CDON: variants seen among roughly 807,000 people sequenced by gnomAD.
CDON encodes cell adhesion associated, oncogene regulated, also known as cell adhesion molecule-related/down-regulated by oncogenes.
A neutral mutation model predicts 120.9 loss-of-function variants in CDON; 73 were observed. That is an observed-to-expected ratio of 0.60 (90% CI 0.50 to 0.73). The LOEUF (loss-of-function observed/expected upper bound fraction) is 0.73, where lower values mean the gene tolerates loss of function less well. Among genes scored for constraint, CDON ranks in the 30% least tolerant of loss-of-function variants. The pLI, the probability that CDON is intolerant of heterozygous loss-of-function variation, is 0.00. For missense variants in CDON, 1,470 were observed against 1,587.3 expected, an observed-to-expected ratio of 0.93 and a Z score of 1.26; for synonymous variants, 566 against 573.5, an observed-to-expected ratio of 0.99 and a Z score of 0.19.
rs1591538858 is a variant in CDON, at chr11:125,961,257, CA to C, written c.3632-153del. Reference sequence around the variant, plus strand: ...GTGTGTGGTTTGAATTTGAGGGCGACAGAAGGTTTAAAAGGTTTAAAATAAA... The same window carrying C: ...GTGTGTGGTTTGAATTTGAGGGCGACGAAGGTTTAAAAGGTTTAAAATAAA... On this transcript the variant is annotated intron_variant, in intron 19 of 19. Coordinates refer to ENST00000531738, the MANE Select transcript of CDON (RefSeq NM_001378964.1). 2.1e-5 allele frequency: 16 copies of C among 754,264 alleles called. No homozygotes were observed. The East Asian group carries it at 4.3e-4, about 20-fold the overall frequency. 46.7% of individuals were successfully genotyped at this position (754,264 alleles called of 1,614,324 possible).
chr11:126,039,818 T>C (rs1162142456), intron 1 of CDON, among the ~76,000 whole-genome samples: 1 of 152,118 alleles, frequency 6.6e-6, no homozygotes, highest in South Asian at 2.1e-4. Flanking sequence ...CCCTCCAAAA[T>C]AAGCCGAACT....
rs1344081577 is a variant in CDON at position 126,005,841 on chromosome 11, G to C, written c.1769C>G (p.Thr590Arg). The C allele has an allele frequency of 6.2e-7, 1 of 1,614,152 alleles. No homozygotes were observed. Among genetic ancestry groups the C allele is most frequent in the Admixed American group, 1.7e-5 (1 of 60,020 alleles). The change falls in exon 9 of 20, where the codon ACA (threonine) becomes AGA (arginine). Residue 590 changes from threonine to arginine, a missense_variant. Physicochemically the swap from Thr to Arg is moderately conservative, Grantham distance 71. Transcript: ENST00000531738. The stretch of plus-strand genomic sequence containing the variant: ...CCACACCAGGTTGTACGTGTCTGGT[G>C]TGTGGGTCTGTGGGGGGCTCAGTAT... The part of the protein sequence containing the change: ...PIILSPPQTH[T>R]PDTYNLVWRA...
chr11:126,029,994 G>A (rs1947902698), intron 1 of CDON, among the ~76,000 whole-genome samples: 1 of 152,188 alleles, frequency 6.6e-6, no homozygotes, highest in Non-Finnish European at 1.5e-5. Context: ...AGGCTCCCCA[G>A]TCTCATGTGG....
At chr11:126,042,505 T>C (rs1044067848) in intron 1 of CDON, among the ~76,000 whole-genome samples, 4 of 152,250 alleles carry the variant, frequency 2.6e-5, no homozygotes, top group Admixed American at 6.5e-5. Flanking sequence ...ATATTTTTTT[T>C]ATGCATCCTA....
intron 1 of CDON, among the ~76,000 whole-genome samples, chr11:126,023,851 C>T (rs956251447): frequency 3.2e-4 from 49 of 152,192 alleles, no homozygotes; most frequent in African/African-American, 1.2e-3. Context: ...CTCAATGCAA[C>T]CAACATGTAT....
chr11:126,040,191 TC>T (rs1385464012), intron 1 of CDON, among the ~76,000 whole-genome samples: 2 of 152,160 alleles, frequency 1.3e-5, no homozygotes, highest in African/African-American at 4.8e-5. Context: ...ATATGGGATA[TC>T]CCTGTACCTT....
At chr11:126,026,214 C>G (rs1947787988) in intron 1 of CDON, among the ~76,000 whole-genome samples, 1 of 152,192 alleles carries the variant, frequency 6.6e-6, no homozygotes, top group South Asian at 2.1e-4. Flanking sequence ...ATTGTTTATT[C>G]CTTCACTCAC....
chr11:126,033,515 C>CA (rs1053301944), intron 1 of CDON, among the ~76,000 whole-genome samples: 7 of 151,016 alleles, frequency 4.6e-5, no homozygotes, highest in East Asian at 3.9e-4. Flanking sequence ...AGTTTTAAAG[C>CA]AAAAAAAAGG....
chr11:125,958,736 T>A lies in CDON; in HGVS notation c.*2206A>T, dbSNP rs1945559901. On this transcript the variant is annotated 3_prime_UTR_variant, in exon 20 of 20. Transcript: ENST00000531738. ...GAGATTGTCCTAAAGGTAAAGCCAT[T>A]TTCTCTTCCTCGTGGACAGATCCCA... is the stretch of plus-strand genomic sequence containing the variant. The A allele has an allele frequency of 6.6e-6, 1 of 152,498 alleles. No homozygotes were observed. The highest frequency in any genetic ancestry group is 2.1e-4 in the South Asian group (1 of 4,824). The allele number at this position is 152,498 out of a possible 1,614,324, so 9.4% of individuals were successfully genotyped here. A position where few individuals can be genotyped will look rare whatever the true frequency, so the allele number is the denominator to read the frequency against.
intron 1 of CDON, among the ~76,000 whole-genome samples, chr11:126,047,028 A>T (rs1039371112): frequency 6.6e-6 from 1 of 152,214 alleles, no homozygotes; most frequent in Non-Finnish European, 1.5e-5. Context: ...GGGATTTCCC[A>T]TCGATGACAA....
At chr11:126,023,861 T>C (rs1239267417) in intron 1 of CDON, among the ~76,000 whole-genome samples, 1 of 152,244 alleles carries the variant, frequency 6.6e-6, no homozygotes, top group Non-Finnish European at 1.5e-5. Context: ...CCAACATGTA[T>C]TCCTCTTTCA....
intron 16 of CDON, among the ~76,000 whole-genome samples, chr11:125,983,432 G>A (rs1282911839): frequency 6.6e-6 from 1 of 152,184 alleles, no homozygotes; most frequent in Non-Finnish European, 1.5e-5. Flanking sequence ...CCTCATCGGT[G>A]AAGTGTCATT....
chr11:125,977,666 T>C (rs965985887), intron 18 of CDON, among the ~76,000 whole-genome samples: 2 of 152,170 alleles, frequency 1.3e-5, no homozygotes, highest in South Asian at 2.1e-4. Context: ...GGGATTACCA[T>C]AGAGAGAGGT....
At chr11:125,994,758 C>A in intron 13 of CDON, 113 bp downstream of exon 13, 4 of 889,814 alleles carry the variant, frequency 4.5e-6, no homozygotes, top group Middle Eastern at 2.1e-4. Flanking sequence ...CTTGCACTTC[C>A]CCTCAATTAA....
At chr11:126,048,879 T>G (rs1948478584) in intron 1 of CDON, among the ~76,000 whole-genome samples, 1 of 152,110 alleles carries the variant, frequency 6.6e-6, no homozygotes, top group Non-Finnish European at 1.5e-5. Context: ...AATTTTGTAT[T>G]TTTAGTAGAG....
chr11:126,024,372 C>T (rs1431535848), intron 1 of CDON, among the ~76,000 whole-genome samples: 1 of 152,182 alleles, frequency 6.6e-6, no homozygotes, highest in Non-Finnish European at 1.5e-5. Flanking sequence ...GATGAGGACA[C>T]AGTGGTTACA....
Position 126,018,381 on chromosome 11 carries a change from C to T in CDON, c.589G>A (p.Val197Ile), listed in dbSNP as rs745409017. ...GSYKCAAYNPVTHQLKVEPIG... is the reference protein window; with the variant it reads ...GSYKCAAYNPITHQLKVEPIG... ...GGTTCAACTTTTAATTGATGTGTGA[C>T]AGGATTATAAGCTGCACATTTGTAT... is the stretch of plus-strand genomic sequence containing the variant. Residue 197 changes from valine to isoleucine, a missense_variant, in exon 5 of 20, where the codon GTC becomes ATC. Coordinates refer to ENST00000531738, the MANE Select transcript of CDON (RefSeq NM_001378964.1). 1.9e-6 allele frequency: 3 copies of T among 1,613,956 alleles called. No homozygotes were observed. The highest frequency in any genetic ancestry group is 1.1e-5 in the South Asian group (1 of 91,070).
At chr11:125,986,496 T>G (rs1345908040) in intron 15 of CDON, among the ~76,000 whole-genome samples, 1 of 152,192 alleles carries the variant, frequency 6.6e-6, no homozygotes, top group African/African-American at 2.4e-5. Context: ...CTGGGTGCAG[T>G]GGCTCACGCC....
intron 12 of CDON, among the ~76,000 whole-genome samples, chr11:125,996,161 A>AACACACACACACAC (rs35536827): frequency 3.4e-5 from 5 of 145,934 alleles, no homozygotes; most frequent in Non-Finnish European, 6.0e-5. Context: ...GTCACAGCAA[A>AACACACACACACAC]ACACACACAC....
Sources: gnomAD v4.1 joint callset for allele counts (sites outside exome capture counted in the v4.1 genomes callset) on GRCh38, gnomAD v4.1.1 for gene constraint, MANE v1.5 for transcripts, NCBI Gene and HGNC (gene_info 2026-07-23, HGNC 2026-07-21) for gene names.